ITPR3: variants seen among roughly 807,000 people sequenced by gnomAD.
ITPR3 encodes the protein inositol 1,4,5-trisphosphate-gated calcium channel ITPR3.
A neutral mutation model predicts 293.2 loss-of-function variants in ITPR3; 173 were observed. The observed-to-expected ratio is 0.59, with a 90% CI of 0.52 to 0.67. The LOEUF is 0.67. ITPR3 is among the 30% of genes least tolerant of loss of function. ITPR3 has a pLI of 0.00. For synonymous variants in ITPR3, 1,295 were observed against 1,444.4 expected (o/e 0.90, Z 2.35); for missense variants, 2,796 against 3,592.1 (o/e 0.78, Z 5.66).
At chr6:33,622,876 C>T (rs1036559815) in intron 1 of ITPR3, among the ~76,000 whole-genome samples, 5 of 152,216 alleles carry the variant, frequency 3.3e-5, no homozygotes, top group African/African-American at 1.2e-4. Flanking sequence ...CTCTGCCAAG[C>T]AGGGAGTTCT....
At chr6:33,686,962 A>G in intron 43 of ITPR3, 47 bp from the exon 44 acceptor site, 2 of 1,449,210 alleles carry the variant, frequency 1.4e-6, no homozygotes, top group Non-Finnish European at 1.9e-6. Flanking sequence ...TGTCAGGGGC[A>G]TGGTGTCCTG....
At position 33,632,826 on chromosome 6, in the gene ITPR3, G is replaced by T. The variant is rs1763714108; in HGVS notation, c.90-7658G>T. Among the ~76,000 whole-genome samples the T allele has an allele frequency of 6.6e-6, 1 of 152,236 alleles. No individual in the cohort carries two copies. The highest frequency in any genetic ancestry group is 2.4e-5 in the African/African-American group (1 of 41,466). On this transcript the variant is annotated intron_variant, in intron 1 of 57. Transcript: ENST00000605930. This position sits in a 1 kb window ranked among gnomAD's most constrained non-coding sequence, Gnocchi z 4.1. ...GGGGAGAAGGGGACACACAGGTGTA[G>T]ACAGGGCTCCTGTCCTCGGCACTCA...
intron 56 of ITPR3, chr6:33,694,408 C>G (rs1017259273): frequency 5.2e-5 from 9 of 173,146 alleles, no homozygotes; most frequent in South Asian, 2.8e-4. Flanking sequence ...CCCCCTCCCC[C>G]CCCGACTCCT....
intron 17 of ITPR3, 117 bp downstream of exon 17, chr6:33,668,751 G>A: frequency 6.8e-7 from 1 of 1,480,058 alleles, no homozygotes; most frequent in Non-Finnish European, 9.2e-7. Flanking sequence ...CTCTGCAGCT[G>A]TGAACTCTGT....
At chr6:33,680,739 G>C in intron 33 of ITPR3, 59 bp downstream of exon 33, 4 of 1,551,080 alleles carry the variant, frequency 2.6e-6, no homozygotes, top group Non-Finnish European at 3.5e-6. Flanking sequence ...GTGAAGGGAA[G>C]GGGGGAAATA....
In ITPR3 at chr6:33,690,048, C is replaced by G; in HGVS notation, c.6882C>G (p.Ile2294Met). 1 of 1,614,178 alleles carries G rather than the reference C, an allele frequency of 6.2e-7. No individual in the cohort carries two copies. Among genetic ancestry groups the G allele is most frequent in the Non-Finnish European group, 8.5e-7 (1 of 1,180,032 alleles). Residue 2294 changes from isoleucine (I) to methionine (M), a missense_variant, in exon 51 of 58, where the codon ATC becomes ATG. Physicochemically the swap from Ile to Met is conservative, Grantham distance 10 (BLOSUM62 1). This residue lies in a region of ITPR3 where 568 missense variants were observed against 796.1 expected (regional missense o/e 0.71). Coordinates refer to ENST00000605930, the MANE Select transcript of ITPR3 (RefSeq NM_002224.4). ...CTCGCCCCCAGCTGACCAACAAGAT[C>G]GTGTTTGTGGTGAGCTTCGTGGGCA... ...ILGALNLTNK[I>M]VFVVSFVGNR...
intron 2 of ITPR3, among the ~76,000 whole-genome samples, chr6:33,649,186 A>G (rs11752199): frequency 0.092 from 13,968 of 152,272 alleles, 732 homozygotes; most frequent in Non-Finnish European, 0.12. Context: ...TACAGGTGTG[A>G]GCCATTGCGC....
At chr6:33,643,432 T>A (rs748739909) in intron 2 of ITPR3, among the ~76,000 whole-genome samples, 23 of 152,216 alleles carry the variant, frequency 1.5e-4, no homozygotes, top group Non-Finnish European at 2.8e-4. Context: ...CCCCAACATG[T>A]TCAGGGAATT....
chr6:33,641,539 G>A (rs890900859), intron 2 of ITPR3, among the ~76,000 whole-genome samples: 2 of 152,116 alleles, frequency 1.3e-5, no homozygotes, highest in African/African-American at 2.4e-5. Context: ...CTTCCATCAC[G>A]GGGCTCTGAG....
chr6:33,662,574 C>T lies in ITPR3; in HGVS notation c.758C>T (p.Thr253Met), dbSNP rs1764500554. ...CATGCGGAGCAGGAGAAGTTCCTGA[C>T]GTGTGACGAGTACAAGGGCAAGCTG... ...LFHAEQEKFL[T>M]CDEYKGKLQV... Residue 253 changes from threonine to methionine, a missense_variant, in exon 8 of 58, where the codon ACG becomes ATG. Physicochemically the swap from Thr to Met is moderately conservative, Grantham distance 81 (BLOSUM62 -1). Transcript: ENST00000605930. 1.9e-6 allele frequency: 3 copies of T among 1,611,026 alleles called. No homozygotes were observed. Among genetic ancestry groups the T allele is most frequent in the East Asian group, 4.5e-5 (2 of 44,770 alleles).
chr6:33,648,127 G>A (rs562473421), intron 2 of ITPR3, among the ~76,000 whole-genome samples: 15 of 149,082 alleles, frequency 1.0e-4, no homozygotes, highest in Non-Finnish European at 1.9e-4. Context: ...GTGCAGTGGC[G>A]CAATCATGGC....
chr6:33,686,640 G>A (rs906488553), intron 43 of ITPR3, 121 bp downstream of exon 43: 18 of 777,898 alleles, frequency 2.3e-5, no homozygotes, highest in Non-Finnish European at 3.8e-5. Context: ...ATTGTGTGAT[G>A]GGGCATCATC....
chr6:33,664,951 G>A lies in ITPR3; in HGVS notation c.1230G>A (p.Glu410=). 1 of 1,613,972 alleles carries A rather than the reference G, an allele frequency of 6.2e-7. No homozygotes were observed. The highest frequency in any genetic ancestry group is 8.5e-7 in the Non-Finnish European group (1 of 1,180,004). The change falls in exon 12 of 58, where the codon GAG becomes GAA. Residue 410 remains glutamate (E), a synonymous_variant. Coordinates refer to ENST00000605930, the MANE Select transcript of ITPR3 (RefSeq NM_002224.4). The surrounding 1 kb of genome is among the most constrained non-coding windows in gnomAD (Gnocchi z 4.4). ...STNVPIDIEE[E]RPIRLMLGTC... is the part of the protein sequence containing the mutation. Reference sequence around the variant, plus strand: ...ATGTGCCCATTGACATCGAGGAGGAGCGGCCCATCCGGCTCATGGTGCGTG... The same window carrying A: ...ATGTGCCCATTGACATCGAGGAGGAACGGCCCATCCGGCTCATGGTGCGTG...
chr6:33,688,574 C>A, intron 48 of ITPR3, 82 bp from the exon 49 acceptor site: 1 of 1,580,532 alleles, frequency 6.3e-7, no homozygotes, highest in East Asian at 2.3e-5. Context: ...GTGTGGCTTC[C>A]TCCTGAGCGG....
chr6:33,660,368 A>G (rs1009264980), intron 7 of ITPR3, among the ~76,000 whole-genome samples: 6 of 151,858 alleles, frequency 4.0e-5, no homozygotes, highest in Admixed American at 2.0e-4. Context: ...GGAAGCTGCA[A>G]TGGCTCCCTT....
At chr6:33,627,849 G>A (rs1204511281) in intron 1 of ITPR3, among the ~76,000 whole-genome samples, 1 of 152,236 alleles carries the variant, frequency 6.6e-6, no homozygotes, top group Non-Finnish European at 1.5e-5. Flanking sequence ...GTGCGAGGAT[G>A]TGATGGAGAA....
In ITPR3 at chr6:33,679,895, G is replaced by A. The variant is rs1765020111; in HGVS notation, c.3986G>A (p.Gly1329Asp). The A allele has an allele frequency of 1.2e-6, 2 of 1,613,250 alleles. No homozygotes were observed. The highest frequency in any genetic ancestry group is 8.5e-7 in the Non-Finnish European group (1 of 1,179,666). Residue 1329 changes from glycine to aspartate, a missense_variant, in exon 31 of 58, where the codon GGT becomes GAT. Physicochemically the swap from Gly to Asp is moderately conservative, Grantham distance 94. Coordinates refer to ENST00000605930, the MANE Select transcript of ITPR3 (RefSeq NM_002224.4). The surrounding 1 kb of genome is among the most constrained non-coding windows in gnomAD (Gnocchi z 4.2). ...TCCCACCCGCAGCTGACCAATGCAG[G>A]TGACGATGTGGTCGTGTTCTACAAT... ...DMIMTELTNA[G>D]DDVVVFYNDK... is the part of the protein sequence containing the mutation.
At chr6:33,629,478 G>A (rs893570869) in intron 1 of ITPR3, among the ~76,000 whole-genome samples, 1 of 149,110 alleles carries the variant, frequency 6.7e-6, no homozygotes, top group Non-Finnish European at 1.5e-5. Context: ...CCGACCATTG[G>A]TTTCTTTTTT....
At chr6:33,695,335 C>A in intron 57 of ITPR3, 1 of 569,088 alleles carries the variant, frequency 1.8e-6, no homozygotes, top group Non-Finnish European at 3.1e-6. Flanking sequence ...CTCTGTCTCT[C>A]ATCCCCTTCC....
Sources: allele counts gnomAD v4.1 joint callset (sites outside exome capture counted in the v4.1 genomes callset), GRCh38; gene constraint gnomAD v4.1.1; regional missense constraint gnomAD v4.1.1; non-coding constraint Gnocchi (gnomAD v3.1); transcripts MANE v1.5; gene names NCBI Gene and HGNC (gene_info 2026-07-23, HGNC 2026-07-21).